The following CEP63 variants were observed in gnomAD, a reference collection of about 807,000 sequenced individuals.
CEP63 encodes the protein centrosomal protein 63.
Under a neutral mutation model 89.1 loss-of-function variants are expected in CEP63, and 84 were observed. The ratio of observed to expected loss-of-function variants is 0.94; its 90% CI spans 0.79 to 1.13. The LOEUF is 1.13. CEP63 is among the 50% of genes most tolerant of loss of function. CEP63 has a pLI of 0.00. For synonymous variants in CEP63, 267 were observed against 272.5 expected, an observed-to-expected ratio of 0.98 and a Z score of 0.20; for missense variants, 838 against 813.3, an observed-to-expected ratio of 1.03 and a Z score of -0.37.
the CEP63 span, among the ~76,000 whole-genome samples, chr3:134,749,798 GATC>G: frequency 7.9e-6 from 1 of 125,850 alleles, no homozygotes; most frequent in Non-Finnish European, 1.7e-5. Context: ...GCAGAGAATT[GATC>G]ATCATCTAGA....
chr3:134,748,005 C>T, the CEP63 span, among the ~76,000 whole-genome samples: 3 of 152,090 alleles, frequency 2.0e-5, no homozygotes, highest in Non-Finnish European at 4.4e-5. Context: ...AGGCTGGTCT[C>T]GAAATCCTGA....
At chr3:134,742,725 T>C in the CEP63 span, among the ~76,000 whole-genome samples, 1 of 152,360 alleles carries the variant, frequency 6.6e-6, no homozygotes, top group South Asian at 2.1e-4. Flanking sequence ...GGTTTCACCC[T>C]CATGGGTGGG....
intron 12 of CEP63, among the ~76,000 whole-genome samples, chr3:134,555,302 G>T (rs1285827079): frequency 6.6e-6 from 1 of 152,104 alleles, no homozygotes; most frequent in Non-Finnish European, 1.5e-5. Context: ...GAAATAAAGG[G>T]TATTCAGTTA....
the CEP63 span, among the ~76,000 whole-genome samples, chr3:134,600,570 T>C: frequency 2.6e-5 from 4 of 152,162 alleles, no homozygotes; most frequent in African/African-American, 9.7e-5. Context: ...ACTGAAGTTG[T>C]GGTTGTAGTG....
At chr3:134,729,068 T>C in the CEP63 span, among the ~76,000 whole-genome samples, 1 of 152,210 alleles carries the variant, frequency 6.6e-6, no homozygotes, top group Non-Finnish European at 1.5e-5. Flanking sequence ...TTACAACATT[T>C]TGTGGTAGGG....
the CEP63 span, among the ~76,000 whole-genome samples, chr3:134,658,770 T>C: frequency 6.6e-6 from 1 of 152,170 alleles, no homozygotes; most frequent in Non-Finnish European, 1.5e-5. Flanking sequence ...ATCTGGAGCA[T>C]GAATTTGGGG....
chr3:134,555,880 A>C (rs1228831233), intron 12 of CEP63, among the ~76,000 whole-genome samples: 1 of 152,120 alleles, frequency 6.6e-6, no homozygotes, highest in Non-Finnish European at 1.5e-5. Context: ...ACTATACTAC[A>C]AGGCTACAGT....
intron 5 of CEP63, chr3:134,535,753 T>C (rs181408361): frequency 6.6e-6 from 1 of 152,336 alleles, no homozygotes; most frequent in East Asian, 1.9e-4. Context: ...CATGTTTTAG[T>C]TGATAACAAC....
At chr3:134,594,282 T>C in the CEP63 span, among the ~76,000 whole-genome samples, 1 of 152,196 alleles carries the variant, frequency 6.6e-6, no homozygotes, top group African/African-American at 2.4e-5. Flanking sequence ...GCTGTTCTTG[T>C]GTACTCACAG....
At chr3:134,579,115 C>A (rs1958287106), downstream of CEP63, among the ~76,000 whole-genome samples, 1 of 152,224 alleles carries the variant, frequency 6.6e-6, no homozygotes, top group East Asian at 1.9e-4. Context: ...TAACACTTGA[C>A]AACCGTATTT....
At chr3:134,687,321 G>A in the CEP63 span, among the ~76,000 whole-genome samples, 1 of 152,210 alleles carries the variant, frequency 6.6e-6, no homozygotes, top group Non-Finnish European at 1.5e-5. Flanking sequence ...AACTTTATGT[G>A]ATTCTCTGGA....
At chr3:134,623,347 C>T in the CEP63 span, among the ~76,000 whole-genome samples, 3 of 152,202 alleles carry the variant, frequency 2.0e-5, no homozygotes, top group African/African-American at 7.2e-5. Flanking sequence ...TTTCCTCATT[C>T]ACAGGTAATG....
the CEP63 span, among the ~76,000 whole-genome samples, chr3:134,781,212 C>A: frequency 6.6e-6 from 1 of 152,102 alleles, no homozygotes; most frequent in Non-Finnish European, 1.5e-5. Flanking sequence ...TGCTTTTGAA[C>A]TTCAGGGTCA....
the CEP63 span, among the ~76,000 whole-genome samples, chr3:134,708,935 G>T: frequency 6.6e-6 from 1 of 152,118 alleles, no homozygotes; most frequent in African/African-American, 2.4e-5. Flanking sequence ...GAGAGATTAA[G>T]GAGTTTCCTG....
At chr3:134,503,100 C>CTTTTTTTTTTTTTTTTTTTT (rs34673408) in intron 2 of CEP63, among the ~76,000 whole-genome samples, 51 of 92,026 alleles carry the variant, frequency 5.5e-4, no homozygotes, top group East Asian at 7.4e-4. Flanking sequence ...TGATTTCAAT[C>CTTTTTTTTTTTTTTTTTTTT]TTTTTTTTTT....
At chr3:134,557,433 T>G (rs375116896) in intron 12 of CEP63, among the ~76,000 whole-genome samples, 1 of 141,176 alleles carries the variant, frequency 7.1e-6, no homozygotes, top group East Asian at 2.2e-4. Flanking sequence ...ACCATGGTAT[T>G]AAACTCCAAA....
At chr3:134,729,526 A>C in the CEP63 span, among the ~76,000 whole-genome samples, 1 of 152,220 alleles carries the variant, frequency 6.6e-6, no homozygotes, top group African/African-American at 2.4e-5. Context: ...TTGTAGCTTG[A>C]GCAGACACAG....
At chr3:134,711,060 A>G in the CEP63 span, among the ~76,000 whole-genome samples, 2 of 151,922 alleles carry the variant, frequency 1.3e-5, no homozygotes, top group African/African-American at 4.8e-5. Flanking sequence ...TTTAGCCCAA[A>G]ATTTTATGTA....
the CEP63 span, among the ~76,000 whole-genome samples, chr3:134,674,866 A>T: frequency 6.6e-6 from 1 of 152,226 alleles, no homozygotes; most frequent in South Asian, 2.1e-4. Flanking sequence ...TCAACAGAAG[A>T]AGTACAAGGC....
Sources: allele counts gnomAD v4.1 joint callset (sites outside exome capture counted in the v4.1 genomes callset), GRCh38; gene constraint gnomAD v4.1.1; transcripts MANE v1.5; gene names NCBI Gene and HGNC (gene_info 2026-07-23, HGNC 2026-07-21).